IGFBP7: variants seen among roughly 807,000 people sequenced by gnomAD.
IGFBP7 encodes the protein insulin like growth factor binding protein 7, also known as insulin-like growth factor-binding protein 7.
IGFBP7 carries 31 observed loss-of-function variants against 29.4 expected under a neutral mutation model. That is an observed-to-expected ratio of 1.05 (90% CI 0.79 to 1.42). The LOEUF (loss-of-function observed/expected upper bound fraction) is 1.42, where lower values mean the gene tolerates loss of function less well. IGFBP7 is among the 40% of genes most tolerant of loss of function. The probability of loss-of-function intolerance (pLI) is 0.00; values close to 1 mark genes in which losing one functional copy is unlikely to be tolerated. For synonymous variants in IGFBP7, 172 were observed against 174.9 expected, an observed-to-expected ratio of 0.98 and a Z score of 0.13; for missense variants, 393 against 395.5, an observed-to-expected ratio of 0.99 and a Z score of 0.05.
chr4:57,048,001 T>G (rs1724403490), intron 1 of IGFBP7, among the ~76,000 whole-genome samples: 1 of 152,116 alleles, frequency 6.6e-6, no homozygotes, highest in Non-Finnish European at 1.5e-5. Flanking sequence ...CTCAAAGTGC[T>G]GGGATTATAG....
chr4:57,089,031 C>A (rs1279076065), intron 1 of IGFBP7, among the ~76,000 whole-genome samples: 110 of 99,464 alleles, frequency 1.1e-3, no homozygotes, highest in Admixed American at 1.3e-3. Flanking sequence ...GACTCTGTCT[C>A]AAAAAAATAA....
intron 1 of IGFBP7, among the ~76,000 whole-genome samples, chr4:57,098,995 G>T (rs192171578): frequency 6.6e-6 from 1 of 152,254 alleles, no homozygotes; most frequent in East Asian, 1.9e-4. Flanking sequence ...AATGTTCCAG[G>T]AGATCTATTT....
At chr4:57,068,745 C>T (rs776835180) in intron 1 of IGFBP7, among the ~76,000 whole-genome samples, 5 of 152,026 alleles carry the variant, frequency 3.3e-5, no homozygotes, top group East Asian at 1.9e-4. Flanking sequence ...TTGAAGGCAC[C>T]GAGGGAAGTG....
chr4:57,035,691 C>G (rs1724069119), intron 2 of IGFBP7, among the ~76,000 whole-genome samples: 1 of 152,066 alleles, frequency 6.6e-6, no homozygotes, highest in African/African-American at 2.4e-5. Context: ...GAACTCCTGA[C>G]CTTAAGTGAT....
At chr4:57,079,900 T>A (rs1197441690) in intron 1 of IGFBP7, among the ~76,000 whole-genome samples, 1 of 152,224 alleles carries the variant, frequency 6.6e-6, no homozygotes, top group Admixed American at 6.5e-5. Flanking sequence ...CAGGTAATCC[T>A]CACAGAAATC....
Position 57,030,872 on chromosome 4 carries a change from T to C in IGFBP7, c.*445A>G. 7.2e-7 allele frequency: 1 copy of C among 1,379,316 alleles called. No individual in the cohort carries two copies. The highest frequency in any genetic ancestry group is 1.2e-5 in the South Asian group (1 of 86,400). 85.4% of individuals were successfully genotyped at this position (1,379,316 alleles called of 1,614,324 possible). A position where few individuals can be genotyped will look rare whatever the true frequency, so the allele number is the denominator to read the frequency against. On this transcript the variant is annotated 3_prime_UTR_variant, in exon 5 of 5. Coordinates refer to ENST00000295666, the MANE Select transcript of IGFBP7 (RefSeq NM_001553.3). The stretch of plus-strand genomic sequence containing the variant: ...TGGGGTCACTTCAATACAATTCTGC[T>C]AATTACCATTTGTTTTTTCTTTTCA...
At chr4:57,078,271 CTG>C (rs1400677021) in intron 1 of IGFBP7, among the ~76,000 whole-genome samples, 2 of 152,118 alleles carry the variant, frequency 1.3e-5, no homozygotes, top group Non-Finnish European at 2.9e-5. Flanking sequence ...GAGGAGGAAA[CTG>C]AGACACAGAA....
intron 4 of IGFBP7, 67 bp downstream of exon 4, chr4:57,032,359 T>G (rs1723952124): frequency 6.3e-7 from 1 of 1,586,632 alleles, no homozygotes; most frequent in Non-Finnish European, 8.6e-7. Context: ...ACTTTCATAC[T>G]TAGTTCTGTT....
At chr4:57,107,137 G>C (rs1726054121) in intron 1 of IGFBP7, among the ~76,000 whole-genome samples, 2 of 152,186 alleles carry the variant, frequency 1.3e-5, no homozygotes, top group Admixed American at 6.5e-5. Flanking sequence ...AGGTGAGTTT[G>C]TAACTTGTAC....
At chr4:57,053,086 G>A (rs537533277) in intron 1 of IGFBP7, among the ~76,000 whole-genome samples, 3 of 146,116 alleles carry the variant, frequency 2.1e-5, no homozygotes, top group Non-Finnish European at 4.5e-5. Context: ...GTACAATCTC[G>A]GCTCACTGCA....
intron 1 of IGFBP7, among the ~76,000 whole-genome samples, chr4:57,078,650 A>G (rs1177909989): frequency 6.6e-6 from 1 of 151,812 alleles, no homozygotes; most frequent in African/African-American, 2.4e-5. Context: ...GGCCAGTGAT[A>G]TAAATATGCA....
intron 1 of IGFBP7, among the ~76,000 whole-genome samples, chr4:57,109,409 C>T (rs1726115429): frequency 1.3e-5 from 2 of 151,990 alleles, no homozygotes; most frequent in Admixed American, 6.6e-5. Flanking sequence ...CCACCCTGGG[C>T]GACAGAGCAA....
At chr4:57,081,402 C>T (rs1169864925) in intron 1 of IGFBP7, among the ~76,000 whole-genome samples, 1 of 152,170 alleles carries the variant, frequency 6.6e-6, no homozygotes, top group Non-Finnish European at 1.5e-5. Context: ...CTCCCACTCA[C>T]ACCATAGACC....
At chr4:57,032,224 A>G (rs963236243) in intron 4 of IGFBP7, 2 of 1,370,830 alleles carry the variant, frequency 1.5e-6, no homozygotes, top group Non-Finnish European at 1.9e-6. Context: ...CATCTAAGTC[A>G]TAATAACGAT....
intron 1 of IGFBP7, among the ~76,000 whole-genome samples, chr4:57,072,313 A>T (rs1221495600): frequency 1.3e-5 from 2 of 152,150 alleles, no homozygotes; most frequent in East Asian, 3.9e-4. Flanking sequence ...TCATGTTCCC[A>T]CAAAAGACAC....
In IGFBP7 at chr4:57,107,326, C is replaced by T. The variant is rs56909649; in HGVS notation, c.475+2551G>A. Among the ~76,000 whole-genome samples, 414 of 152,282 alleles carry T rather than the reference C, an allele frequency of 2.7e-3. 1 individual carries two copies. The highest frequency in any genetic ancestry group is 9.6e-3 in the African/African-American group (397 of 41,558). ...ATCCCACAATGCTGCCCCTACCTGG[C>T]CCCTACTCAAGTTATACTCAAGCAT... On this transcript the variant is annotated intron_variant, in intron 1 of 4. Coordinates refer to ENST00000295666, the MANE Select transcript of IGFBP7 (RefSeq NM_001553.3).
At chr4:57,090,985 G>A (rs1725623864) in intron 1 of IGFBP7, among the ~76,000 whole-genome samples, 1 of 152,206 alleles carries the variant, frequency 6.6e-6, no homozygotes, top group Admixed American at 6.5e-5. Context: ...CAGGCCATGT[G>A]TATTCTTTGG....
chr4:57,088,230 C>G (rs1331772996), intron 1 of IGFBP7, among the ~76,000 whole-genome samples: 1 of 152,092 alleles, frequency 6.6e-6, no homozygotes, highest in African/African-American at 2.4e-5. Context: ...CCTGCCTCAG[C>G]CTCCCAAAGT....
At chr4:57,036,666 A>G (rs977511974) in intron 2 of IGFBP7, among the ~76,000 whole-genome samples, 4 of 152,134 alleles carry the variant, frequency 2.6e-5, no homozygotes, top group Non-Finnish European at 4.4e-5. Context: ...CCTTACTACC[A>G]GTAAGGAAAG....
Sources: allele counts gnomAD v4.1 joint callset (sites outside exome capture counted in the v4.1 genomes callset), GRCh38; gene constraint gnomAD v4.1.1; transcripts MANE v1.5; gene names NCBI Gene and HGNC (gene_info 2026-07-23, HGNC 2026-07-21).